Variants in RAB38 observed in about 807,000 individuals in gnomAD.
The protein encoded by RAB38 is ras-related protein Rab-38.
In RAB38, 15 loss-of-function variants were observed where a neutral mutation model predicts 18.4. The observed-to-expected ratio is 0.82, with a 90% confidence interval of 0.55 to 1.26. The LOEUF (loss-of-function observed/expected upper bound fraction) is 1.26, where lower values mean the gene tolerates loss of function less well. RAB38 is among the 50% of genes most tolerant of loss of function. The pLI is 0.00. For missense variants in RAB38, 294 were observed against 267.4 expected (o/e 1.10, Z -0.69); for synonymous variants, 101 against 104.4 (o/e 0.97, Z 0.20).
At chr11:87,894,681 T>C in the RAB38 span, among the ~76,000 whole-genome samples, 5 of 151,166 alleles carry the variant, frequency 3.3e-5, no homozygotes, top group Non-Finnish European at 7.4e-5. Flanking sequence ...TACTGGTGTG[T>C]GGGACATATG....
chr11:88,029,117 T>C, the RAB38 span, among the ~76,000 whole-genome samples: 3 of 151,952 alleles, frequency 2.0e-5, no homozygotes, highest in East Asian at 5.8e-4. Flanking sequence ...GAATTTCATA[T>C]CCAGCCAAAC....
intron 1 of RAB38, among the ~76,000 whole-genome samples, chr11:88,152,031 G>A (rs943974536): frequency 1.3e-5 from 2 of 152,180 alleles, no homozygotes; most frequent in African/African-American, 2.4e-5. Flanking sequence ...AGCCCCAGAT[G>A]AACTTTTAGT....
At chr11:88,102,192 C>T in the RAB38 span, among the ~76,000 whole-genome samples, 2 of 151,964 alleles carry the variant, frequency 1.3e-5, no homozygotes, top group African/African-American at 4.8e-5. Flanking sequence ...AGGTTTTACT[C>T]AGGATACATG....
At chr11:88,034,603 G>T in the RAB38 span, among the ~76,000 whole-genome samples, 23 of 152,276 alleles carry the variant, frequency 1.5e-4, no homozygotes, top group African/African-American at 5.3e-4. Context: ...GGCTACTGAT[G>T]TTGAACATAT....
chr11:87,946,328 G>A, the RAB38 span, among the ~76,000 whole-genome samples: 5 of 152,020 alleles, frequency 3.3e-5, no homozygotes, highest in African/African-American at 2.4e-5. Flanking sequence ...TGATGTATGA[G>A]AACATTTGGA....
At chr11:88,136,431 T>C (rs1942835316) in intron 2 of RAB38, among the ~76,000 whole-genome samples, 1 of 152,092 alleles carries the variant, frequency 6.6e-6, no homozygotes, top group African/African-American at 2.4e-5. Flanking sequence ...ACAAAATCAA[T>C]ACTAAAAAAG....
At chr11:87,811,943 C>G in the RAB38 span, among the ~76,000 whole-genome samples, 2 of 152,180 alleles carry the variant, frequency 1.3e-5, no homozygotes, top group South Asian at 4.2e-4. Context: ...TTTAGTGAGC[C>G]ATCTGAATTT....
the RAB38 span, among the ~76,000 whole-genome samples, chr11:88,070,746 C>A: frequency 6.6e-6 from 1 of 152,142 alleles, no homozygotes; most frequent in Non-Finnish European, 1.5e-5. Context: ...GTTGTTCCCA[C>A]CCAAACTACA....
chr11:88,004,488 G>T, the RAB38 span, among the ~76,000 whole-genome samples: 31 of 150,988 alleles, frequency 2.1e-4, no homozygotes, highest in African/African-American at 7.3e-4. Context: ...TATCATAAAG[G>T]ACAACTATGA....
At chr11:88,028,605 G>T in the RAB38 span, among the ~76,000 whole-genome samples, 134 of 152,300 alleles carry the variant, frequency 8.8e-4, no homozygotes, top group African/African-American at 3.2e-3. Flanking sequence ...GAGCCGATGC[G>T]ATCAACTGGA....
chr11:88,027,883 C>T, the RAB38 span, among the ~76,000 whole-genome samples: 1 of 152,156 alleles, frequency 6.6e-6, no homozygotes, highest in African/African-American at 2.4e-5. Context: ...AGTGGTTCTC[C>T]CAGCATGCAG....
chr11:88,142,534 G>T (rs919632695), intron 2 of RAB38, among the ~76,000 whole-genome samples: 4 of 152,224 alleles, frequency 2.6e-5, no homozygotes, highest in Non-Finnish European at 4.4e-5. Context: ...GTAGAAAAAT[G>T]TATTGGAGTC....
chr11:87,853,223 G>C, the RAB38 span, among the ~76,000 whole-genome samples: 3 of 152,204 alleles, frequency 2.0e-5, no homozygotes, highest in Non-Finnish European at 4.4e-5. Context: ...GTTATAGACA[G>C]AATGTTTGTA....
the RAB38 span, among the ~76,000 whole-genome samples, chr11:87,826,809 C>G: frequency 6.6e-6 from 1 of 152,118 alleles, no homozygotes; most frequent in Non-Finnish European, 1.5e-5. Flanking sequence ...GGGTGTTGGT[C>G]TAGAACACAC....
At chr11:87,853,053 T>A in the RAB38 span, among the ~76,000 whole-genome samples, 277 of 152,282 alleles carry the variant, frequency 1.8e-3, 1 homozygote, top group African/African-American at 6.2e-3. Context: ...TGAATCCTAT[T>A]ATAAATTATG....
chr11:88,057,339 C>A, the RAB38 span, among the ~76,000 whole-genome samples: 3 of 152,098 alleles, frequency 2.0e-5, no homozygotes, highest in African/African-American at 7.2e-5. Context: ...AGTCCTAATA[C>A]ATGAAGGCAA....
chr11:88,106,981 G>A, the RAB38 span, among the ~76,000 whole-genome samples: 195 of 151,932 alleles, frequency 1.3e-3, no homozygotes, highest in East Asian at 0.014. Flanking sequence ...GAAGAGCAGC[G>A]ATAAAGAGGC....
the RAB38 span, among the ~76,000 whole-genome samples, chr11:88,080,513 T>C: frequency 6.6e-6 from 1 of 151,826 alleles, no homozygotes; most frequent in Non-Finnish European, 1.5e-5. Flanking sequence ...ATCAAAATTG[T>C]AGCACATTCT....
chr11:87,939,915 T>C, the RAB38 span, among the ~76,000 whole-genome samples: 1 of 151,504 alleles, frequency 6.6e-6, no homozygotes, highest in Non-Finnish European at 1.5e-5. Flanking sequence ...AAAATCAAAG[T>C]TGTCAAATCA....
Sources: allele counts gnomAD v4.1 joint callset (sites outside exome capture counted in the v4.1 genomes callset), GRCh38; gene constraint gnomAD v4.1.1; transcripts MANE v1.5; gene names NCBI Gene and HGNC (gene_info 2026-07-23, HGNC 2026-07-21).